The following TAFA4 variants were observed in gnomAD, a reference collection of about 807,000 sequenced individuals.
TAFA4 encodes TAFA chemokine like family member 4, also known as chemokine-like protein TAFA-4.
Under a neutral mutation model 21.1 loss-of-function variants are expected in TAFA4, and 20 were observed. The observed-to-expected ratio is 0.95, with a 90% CI of 0.67 to 1.38. The LOEUF (loss-of-function observed/expected upper bound fraction) is 1.38, where lower values mean the gene tolerates loss of function less well. TAFA4 is among the 40% of genes most tolerant of loss of function. The pLI, the probability that TAFA4 is intolerant of heterozygous loss-of-function variation, is 0.00. For missense variants in TAFA4, 211 were observed against 180.9 expected (o/e 1.17, Z -0.95); for synonymous variants, 71 against 67.4 (o/e 1.05, Z -0.26).
At chr3:68,922,566 A>C (rs1256091607) in intron 1 of TAFA4, among the ~76,000 whole-genome samples, 3 of 152,226 alleles carry the variant, frequency 2.0e-5, no homozygotes, top group Non-Finnish European at 4.4e-5. Flanking sequence ...GGATATAGTC[A>C]ATTGCTTGTA....
chr3:68,796,483 A>G (rs1703456081), intron 3 of TAFA4, among the ~76,000 whole-genome samples: 2 of 152,158 alleles, frequency 1.3e-5, no homozygotes, highest in Admixed American at 1.3e-4. Context: ...TTTAAAATCT[A>G]TATATGTAAC....
chr3:68,852,869 A>C (rs1459846395), intron 3 of TAFA4, among the ~76,000 whole-genome samples: 1 of 152,198 alleles, frequency 6.6e-6, no homozygotes, highest in Non-Finnish European at 1.5e-5. Flanking sequence ...GCACTGGAAA[A>C]AGAAAAAAGA....
chr3:68,818,324 G>T (rs1704033156), intron 3 of TAFA4, among the ~76,000 whole-genome samples: 1 of 152,268 alleles, frequency 6.6e-6, no homozygotes, highest in South Asian at 2.1e-4. Flanking sequence ...GAGTGTTGAG[G>T]CTGGTTTGAT....
At chr3:68,899,696 G>A (rs978828801) in intron 1 of TAFA4, among the ~76,000 whole-genome samples, 4 of 152,036 alleles carry the variant, frequency 2.6e-5, no homozygotes, top group Non-Finnish European at 5.9e-5. Context: ...ATTAGGTCAC[G>A]ATCCCATAAC....
intron 3 of TAFA4, among the ~76,000 whole-genome samples, chr3:68,853,081 T>C (rs1217487096): frequency 6.6e-6 from 1 of 152,198 alleles, no homozygotes; most frequent in Non-Finnish European, 1.5e-5. Context: ...CTTGAATCAT[T>C]TGCAAGAACA....
intron 1 of TAFA4, among the ~76,000 whole-genome samples, chr3:68,905,077 G>A (rs2106991617): frequency 6.6e-6 from 1 of 151,254 alleles, no homozygotes; most frequent in South Asian, 2.1e-4. Context: ...ACATTTTTGA[G>A]CCCCAACTAT....
chr3:68,802,577 T>C (rs1435352154), intron 3 of TAFA4, among the ~76,000 whole-genome samples: 1 of 152,172 alleles, frequency 6.6e-6, no homozygotes, highest in Non-Finnish European at 1.5e-5. Context: ...AGTTGAAAAT[T>C]GTTCTTCATT....
intron 3 of TAFA4, among the ~76,000 whole-genome samples, chr3:68,826,450 G>A (rs769715171): frequency 9.2e-5 from 14 of 151,908 alleles, no homozygotes; most frequent in Non-Finnish European, 1.3e-4. Flanking sequence ...GCGGGAGCCT[G>A]TAGTCCCAGC....
intron 1 of TAFA4, among the ~76,000 whole-genome samples, chr3:68,906,763 C>T (rs2089904884): frequency 6.6e-6 from 1 of 152,100 alleles, no homozygotes; most frequent in Non-Finnish European, 1.5e-5. Context: ...GGCATGGTGG[C>T]TCACTCCTGT....
At chr3:68,919,078 A>C (rs1442926283) in intron 1 of TAFA4, among the ~76,000 whole-genome samples, 1 of 152,134 alleles carries the variant, frequency 6.6e-6, no homozygotes, top group Non-Finnish European at 1.5e-5. Flanking sequence ...CAGCTTCCCA[A>C]GTCCACTGCT....
At chr3:68,871,238 T>C (rs1284580932) in intron 3 of TAFA4, among the ~76,000 whole-genome samples, 1 of 152,114 alleles carries the variant, frequency 6.6e-6, no homozygotes, top group Non-Finnish European at 1.5e-5. Flanking sequence ...ATCATTCTAC[T>C]GTAAAGACAC....
intron 3 of TAFA4, among the ~76,000 whole-genome samples, chr3:68,808,197 G>A (rs1051396417): frequency 6.6e-6 from 1 of 152,142 alleles, no homozygotes; most frequent in African/African-American, 2.4e-5. Flanking sequence ...CAGGAAAGCA[G>A]AGTCTCACAA....
intron 3 of TAFA4, among the ~76,000 whole-genome samples, chr3:68,759,861 T>G (rs1220169917): frequency 6.6e-6 from 1 of 152,142 alleles, no homozygotes; most frequent in African/African-American, 2.4e-5. Flanking sequence ...CTACTTCCCT[T>G]CTGGCTTTGT....
At chr3:68,791,471 C>T (rs1294150623) in intron 3 of TAFA4, among the ~76,000 whole-genome samples, 1 of 152,180 alleles carries the variant, frequency 6.6e-6, no homozygotes, top group Non-Finnish European at 1.5e-5. Context: ...TGCCAACACC[C>T]TGATTTTAGA....
chr3:68,829,400 G>C (rs1704324982), intron 3 of TAFA4, among the ~76,000 whole-genome samples: 1 of 152,186 alleles, frequency 6.6e-6, no homozygotes, highest in South Asian at 2.1e-4. Flanking sequence ...TAGCATGAAA[G>C]GCTGTTGAAT....
intron 1 of TAFA4, chr3:68,913,497 A>G (rs1485620089): frequency 6.6e-6 from 1 of 152,226 alleles, no homozygotes; most frequent in Non-Finnish European, 1.5e-5. Flanking sequence ...GTGCCCAAGA[A>G]GAAGCGGAAA....
At chr3:68,837,962 CT>C (rs1704560913) in intron 3 of TAFA4, among the ~76,000 whole-genome samples, 1 of 151,952 alleles carries the variant, frequency 6.6e-6, no homozygotes, top group African/African-American at 2.4e-5. Context: ...CGTGGAATCT[CT>C]AAATCAAGCT....
At chr3:68,846,458 G>C (rs575153121) in intron 3 of TAFA4, among the ~76,000 whole-genome samples, 1 of 152,042 alleles carries the variant, frequency 6.6e-6, no homozygotes, top group Non-Finnish European at 1.5e-5. Context: ...CATTGTGTTA[G>C]AACATGCTCC....
At chr3:68,797,679 T>C (rs911384652) in intron 3 of TAFA4, among the ~76,000 whole-genome samples, 1 of 149,182 alleles carries the variant, frequency 6.7e-6, no homozygotes, top group Non-Finnish European at 1.5e-5. Flanking sequence ...AACATGAGGA[T>C]ATTATCTAAG....
Sources: gnomAD v4.1 joint callset for allele counts (sites outside exome capture counted in the v4.1 genomes callset) on GRCh38, gnomAD v4.1.1 for gene constraint, MANE v1.5 for transcripts, NCBI Gene and HGNC (gene_info 2026-07-23, HGNC 2026-07-21) for gene names.